ZNF676: variants seen among roughly 807,000 people sequenced by gnomAD.
The protein encoded by ZNF676 is zinc finger protein 676.
In ZNF676, 4 loss-of-function variants were observed where a neutral mutation model predicts 6.0. The ratio of observed to expected loss-of-function variants is 0.67; its 90% CI spans 0.33 to 1.53. The LOEUF (loss-of-function observed/expected upper bound fraction) is 1.53, where lower values mean the gene tolerates loss of function less well. Among genes scored for constraint, ZNF676 ranks in the 40% most tolerant of loss-of-function variants. The probability of loss-of-function intolerance (pLI) is 0.06; values close to 1 mark genes in which losing one functional copy is unlikely to be tolerated. For synonymous variants in ZNF676, 198 were observed against 223.1 expected (o/e 0.89, Z 1.00); for missense variants, 644 against 679.7 (o/e 0.95, Z 0.58).
chr19:22,220,259 G>A (rs2024233857), upstream of ZNF676, among the ~76,000 whole-genome samples: 1 of 152,044 alleles, frequency 6.6e-6, no homozygotes, highest in Non-Finnish European at 1.5e-5. Context: ...TGCTCATCAG[G>A]AACATTGGTG....
chr19:22,228,656 G>T, the ZNF676 span, among the ~76,000 whole-genome samples: 1 of 152,150 alleles, frequency 6.6e-6, no homozygotes, highest in Non-Finnish European at 1.5e-5. Flanking sequence ...CTTCAGCAAA[G>T]TCTCAGGATA....
At chr19:22,186,894 A>G (rs1208665886) in intron 2 of ZNF676, among the ~76,000 whole-genome samples, 4 of 152,192 alleles carry the variant, frequency 2.6e-5, no homozygotes, top group African/African-American at 9.6e-5. Context: ...AAGTTCTTAA[A>G]GACCTACAAA....
At chr19:22,194,004 A>G (rs2023941486) in intron 1 of ZNF676, among the ~76,000 whole-genome samples, 2 of 152,180 alleles carry the variant, frequency 1.3e-5, no homozygotes, top group Non-Finnish European at 2.9e-5. Context: ...CTGGCAAGAA[A>G]TGTGTGCAGA....
In ZNF676 at chr19:22,181,230, A is replaced by C; in HGVS notation, c.487T>G (p.Tyr163Asp). 6.2e-7 allele frequency: 1 copy of C among 1,613,836 alleles called. No individual in the cohort carries two copies. The highest frequency in any genetic ancestry group is 8.5e-7 in the Non-Finnish European group (1 of 1,179,860). The part of the protein sequence containing the change: ...LSHLSQHERI[Y>D]TRENSYKCEE... ...CATTTGTAGGAATTCTCTCTAGTAT[A>C]AATTCTTTCATGTTGAGATAGGTGT... The change falls in exon 3 of 3, where the codon TAT becomes GAT. Residue 163 changes from tyrosine to aspartate, a missense_variant. Transcript: ENST00000397121.
chr19:22,255,878 T>A, the ZNF676 span, among the ~76,000 whole-genome samples: 28 of 146,446 alleles, frequency 1.9e-4, no homozygotes, highest in Non-Finnish European at 3.1e-4. Context: ...AAAAAAAAAA[T>A]AGTTTTGCTA....
In ZNF676 at chr19:22,180,165, A is replaced by C. The variant is rs1473609443; in HGVS notation, c.1552T>G (p.Ser518Ala). The C allele has an allele frequency of 5.6e-6, 9 of 1,613,570 alleles. No individual in the cohort carries two copies. The highest frequency in any genetic ancestry group is 1.3e-5 in the African/African-American group (1 of 74,872). Reference sequence around the variant, plus strand: ...ATTATCTTATGTTCAGTAAGGATCGAGGACCAGCTGAAGGCTTTGCCACAT... The same window carrying C: ...ATTATCTTATGTTCAGTAAGGATCGCGGACCAGCTGAAGGCTTTGCCACAT... Reference protein sequence around the residue: ...EECGKAFSWSSILTEHKIIHT... With the variant: ...EECGKAFSWSAILTEHKIIHT... Residue 518 changes from serine to alanine, a missense_variant, in exon 3 of 3, where the codon TCG becomes GCG. By Grantham distance (99) the Ser-to-Ala change is moderately conservative. Coordinates refer to ENST00000397121, the MANE Select transcript of ZNF676 (RefSeq NM_001001411.3).
intron 2 of ZNF676, among the ~76,000 whole-genome samples, chr19:22,190,630 C>CATATATATATATATATAT (rs74174059): frequency 3.9e-4 from 26 of 66,804 alleles, no homozygotes; most frequent in Non-Finnish European, 5.9e-4. Context: ...TAGAATGCAA[C>CATATATATATATATATAT]ATATATATAT....
In ZNF676 at chr19:22,202,082, T is replaced by C. The variant is rs577741505; in HGVS notation, c.4-5356A>G. Among the ~76,000 whole-genome samples the C allele has an allele frequency of 6.8e-4, 103 of 152,266 alleles. 1 individual carries two copies. Among genetic ancestry groups the C allele is most frequent in the Middle Eastern group, 3.4e-3 (1 of 294 alleles). Reference sequence around the variant, plus strand: ...ATTCTCAAGACCTAGATTTAGAATTTGGAGCTGCAAATTCAGGTCCTGCAT... The same window carrying C: ...ATTCTCAAGACCTAGATTTAGAATTCGGAGCTGCAAATTCAGGTCCTGCAT... On this transcript the variant is annotated intron_variant, in intron 1 of 3. Transcript: ENST00000650058.
chr19:22,253,404 G>A, the ZNF676 span, among the ~76,000 whole-genome samples: 1,352 of 96,808 alleles, frequency 0.014, 32 homozygotes, highest in African/African-American at 0.05. Context: ...ATGATAATGT[G>A]TATATATATA....
the ZNF676 span, among the ~76,000 whole-genome samples, chr19:22,239,223 A>C: frequency 1.5e-5 from 2 of 129,750 alleles, no homozygotes; most frequent in Non-Finnish European, 3.1e-5. Flanking sequence ...TTTTTTTGAG[A>C]TGGAGTCTCG....
Position 22,180,281 on chromosome 19 carries a change from C to T in ZNF676, c.1436G>A (p.Cys479Tyr). Residue 479 changes from cysteine (C) to tyrosine (Y), a missense_variant, in exon 3 of 3, where the codon TGT becomes TAT. By Grantham distance (194) the Cys-to-Tyr change is radical (BLOSUM62 -2). Coordinates refer to ENST00000397121, the MANE Select transcript of ZNF676 (RefSeq NM_001001411.3). ...ACTAAAGCCTTTGCCACATTCTTCA[C>T]ATTTGTAAGGTTTCTCTGCAGCATG... ...RIHAAEKPYKCEECGKGFSTF... is the reference protein window; with the variant it reads ...RIHAAEKPYKYEECGKGFSTF... The T allele has an allele frequency of 6.2e-7, 1 of 1,612,658 alleles. No homozygotes were observed. Among genetic ancestry groups the T allele is most frequent in the East Asian group, 2.2e-5 (1 of 44,860 alleles).
the ZNF676 span, among the ~76,000 whole-genome samples, chr19:22,255,762 A>G: frequency 6.6e-6 from 1 of 151,744 alleles, no homozygotes; most frequent in African/African-American, 2.4e-5. Context: ...GGAGAAGGGC[A>G]TATACCTGGG....
Position 22,181,201 on chromosome 19 carries a change from T to G in ZNF676, c.516A>C (p.Glu172Asp). The change falls in exon 3 of 3, where the codon GAA (glutamate) becomes GAC (aspartate). Residue 172 changes from glutamate to aspartate, a missense_variant. Physicochemically the swap from Glu to Asp is conservative, Grantham distance 45. Coordinates refer to ENST00000397121, the MANE Select transcript of ZNF676 (RefSeq NM_001001411.3). ...IYTRENSYKC[E>D]ENGKAFNWSS... ...ACCAGTTAAAAGCTTTGCCATTTTC[T>G]TCACATTTGTAGGAATTCTCTCTAG... The G allele has an allele frequency of 1.2e-6, 2 of 1,613,972 alleles. No individual in the cohort carries two copies. The highest frequency in any genetic ancestry group is 1.7e-6 in the Non-Finnish European group (2 of 1,179,934).
the ZNF676 span, among the ~76,000 whole-genome samples, chr19:22,237,429 T>C: frequency 6.7e-6 from 1 of 149,302 alleles, no homozygotes; most frequent in African/African-American, 2.5e-5. Flanking sequence ...GTTCTCCAGA[T>C]ATCTGTTTAT....
the ZNF676 span, among the ~76,000 whole-genome samples, chr19:22,226,959 A>G: frequency 6.6e-6 from 1 of 152,200 alleles, no homozygotes; most frequent in African/African-American, 2.4e-5. Context: ...TTAGGTTCAA[A>G]TAATAGCATC....
chr19:22,180,621 T>C lies in ZNF676; in HGVS notation c.1096A>G (p.Lys366Glu). ...AAGGCTTTGCCACATCCTTCACATT[T>C]GTAGGGTTTCTCTCCAGTATGAATA... is the stretch of plus-strand genomic sequence containing the variant. ...KIIHTGEKPYKCEGCGKAFSK... is the reference protein window; with the variant it reads ...KIIHTGEKPYECEGCGKAFSK... The change falls in exon 3 of 3, where the codon AAA becomes GAA. Residue 366 changes from lysine to glutamate, a missense_variant. Transcript: ENST00000397121. 1 of 1,612,920 alleles carries C rather than the reference T, an allele frequency of 6.2e-7. No homozygotes were observed. The highest frequency in any genetic ancestry group is 1.7e-4 in the Middle Eastern group (1 of 6,058).
At position 22,181,532 on chromosome 19, in the gene ZNF676, G is replaced by T; in HGVS notation, c.185C>A (p.Ser62Tyr). 1 of 1,610,302 alleles carries T rather than the reference G, an allele frequency of 6.2e-7. No homozygotes were observed. Among genetic ancestry groups the T allele is most frequent in the Non-Finnish European group, 8.5e-7 (1 of 1,178,492 alleles). The change falls in exon 3 of 3, where the codon TCT becomes TAT. Residue 62 changes from serine (S) to tyrosine (Y), a missense_variant. Physicochemically the swap from Ser to Tyr is moderately radical, Grantham distance 144. This residue lies in a region of ZNF676 where 280 missense variants were observed against 269.3 expected (regional missense o/e 1.04). Coordinates refer to ENST00000397121, the MANE Select transcript of ZNF676 (RefSeq NM_001001411.3). The part of the protein sequence containing the change: ...EFWPEQGIED[S>Y]FQKMILRRYD... ...TCTTCTCAATATCATTTTTTGGAAAGAATCTTCTATGCCTTGCTCTGGCCA... is the reference window on the plus strand; with the variant it reads ...TCTTCTCAATATCATTTTTTGGAAATAATCTTCTATGCCTTGCTCTGGCCA...
At chr19:22,181,688 C>T (rs555254015) in intron 2 of ZNF676, 102 bp from the exon 3 acceptor site, 257 of 935,666 alleles carry the variant, frequency 2.7e-4, no homozygotes, top group East Asian at 5.6e-4. Context: ...ATAAGCAAGA[C>T]GACATTGCAA....
At chr19:22,205,221 T>C (rs563966890) in intron 1 of ZNF676, among the ~76,000 whole-genome samples, 2 of 152,188 alleles carry the variant, frequency 1.3e-5, no homozygotes, top group African/African-American at 2.4e-5. Flanking sequence ...GGGGACTACA[T>C]CTCACAGGCA....
Sources: allele counts gnomAD v4.1 joint callset (sites outside exome capture counted in the v4.1 genomes callset), GRCh38; gene constraint gnomAD v4.1.1; regional missense constraint gnomAD v4.1.1; transcripts MANE v1.5; gene names NCBI Gene and HGNC (gene_info 2026-07-23, HGNC 2026-07-21).